TRAT1: variants seen among roughly 807,000 people sequenced by gnomAD.
TRAT1 encodes the protein T-cell receptor-associated transmembrane adapter 1.
TRAT1 carries 20 observed loss-of-function variants against 20.0 expected under a neutral mutation model. The ratio of observed to expected loss-of-function variants is 1.00; its 90% CI spans 0.70 to 1.45. TRAT1 has a LOEUF of 1.45. Ranked by LOEUF, TRAT1 falls within the 40% of genes most tolerant of loss-of-function variation. The pLI is 0.00. For missense variants in TRAT1, 237 were observed against 224.1 expected (o/e 1.06, Z -0.37); for synonymous variants, 77 against 74.2 (o/e 1.04, Z -0.20).
intron 3 of TRAT1, among the ~76,000 whole-genome samples, chr3:108,845,006 A>G (rs1374257532): frequency 6.6e-6 from 1 of 152,128 alleles, no homozygotes; most frequent in Non-Finnish European, 1.5e-5. Flanking sequence ...GTTCAGAACA[A>G]TGGAGAGTCT....
intron 1 of TRAT1, among the ~76,000 whole-genome samples, chr3:108,827,128 T>C (rs1466621406): frequency 6.6e-6 from 1 of 152,222 alleles, no homozygotes; most frequent in Non-Finnish European, 1.5e-5. Context: ...TTCGGCTTTT[T>C]AACAGTGTAA....
chr3:108,851,461 A>G (rs2107516748), intron 5 of TRAT1, among the ~76,000 whole-genome samples: 1 of 152,266 alleles, frequency 6.6e-6, no homozygotes, highest in Non-Finnish European at 1.5e-5. Context: ...CTATGTCAGA[A>G]GCATCCTCTC....
At chr3:108,845,238 T>C (rs1435465074) in intron 3 of TRAT1, among the ~76,000 whole-genome samples, 3 of 152,214 alleles carry the variant, frequency 2.0e-5, no homozygotes, top group Non-Finnish European at 4.4e-5. Context: ...TTATTTGAGA[T>C]GATTAATCAT....
At chr3:108,850,752 C>T (rs933703741) in intron 5 of TRAT1, among the ~76,000 whole-genome samples, 18 of 152,044 alleles carry the variant, frequency 1.2e-4, no homozygotes, top group Non-Finnish European at 1.5e-5. Flanking sequence ...TTGCTAAATC[C>T]ATGATAATAA....
intron 1 of TRAT1, among the ~76,000 whole-genome samples, chr3:108,823,277 A>G (rs1057190439): frequency 1.3e-5 from 2 of 152,228 alleles, no homozygotes; most frequent in African/African-American, 4.8e-5. Flanking sequence ...ATTAAACAGG[A>G]TAAGTGTAAT....
intron 3 of TRAT1, among the ~76,000 whole-genome samples, chr3:108,844,864 AAAAAAG>A (rs1450421435): frequency 9.3e-5 from 14 of 150,046 alleles, no homozygotes; most frequent in South Asian, 4.2e-4. Flanking sequence ...AAAAAAAAAA[AAAAAAG>A]AAATACGTGT....
At chr3:108,850,357 T>G (rs1945987576) in intron 5 of TRAT1, among the ~76,000 whole-genome samples, 1 of 151,006 alleles carries the variant, frequency 6.6e-6, no homozygotes, top group African/African-American at 2.4e-5. Context: ...CAGGCTGGAG[T>G]GCAATGGCAC....
At chr3:108,826,876 G>T (rs1945744380) in intron 1 of TRAT1, among the ~76,000 whole-genome samples, 1 of 152,128 alleles carries the variant, frequency 6.6e-6, no homozygotes, top group African/African-American at 2.4e-5. Context: ...TTAAGTAAAG[G>T]CTTCTGTGTA....
intron 2 of TRAT1, among the ~76,000 whole-genome samples, 176 bp downstream of exon 2, chr3:108,830,956 AAT>A (rs1945787133): frequency 6.6e-6 from 1 of 152,234 alleles, no homozygotes; most frequent in Non-Finnish European, 1.5e-5. Flanking sequence ...TTAAGAATGC[AAT>A]CATATTAGAA....
At chr3:108,837,283 T>C (rs557334526) in intron 2 of TRAT1, among the ~76,000 whole-genome samples, 1 of 152,340 alleles carries the variant, frequency 6.6e-6, no homozygotes, top group Admixed American at 6.5e-5. Flanking sequence ...ATATTCCAAA[T>C]GGAATACATT....
At chr3:108,826,462 C>T (rs1945740586) in intron 1 of TRAT1, among the ~76,000 whole-genome samples, 1 of 152,090 alleles carries the variant, frequency 6.6e-6, no homozygotes, top group Non-Finnish European at 1.5e-5. Context: ...TGCGAGCCCC[C>T]TCCTGTGCTA....
chr3:108,833,373 G>A (rs1375635966), intron 2 of TRAT1, among the ~76,000 whole-genome samples: 1 of 152,070 alleles, frequency 6.6e-6, no homozygotes, highest in East Asian at 1.9e-4. Context: ...AGCTGAAATA[G>A]CGCCACTGCA....
At chr3:108,834,626 GC>G (rs931401806) in intron 2 of TRAT1, among the ~76,000 whole-genome samples, 1 of 152,206 alleles carries the variant, frequency 6.6e-6, no homozygotes, top group Non-Finnish European at 1.5e-5. Context: ...TGAATGAAAT[GC>G]CCCTGTATCT....
intron 3 of TRAT1, among the ~76,000 whole-genome samples, chr3:108,845,527 A>C (rs1392818966): frequency 1.3e-5 from 2 of 152,208 alleles, no homozygotes; most frequent in African/African-American, 4.8e-5. Flanking sequence ...GTTACAGATG[A>C]GTTCCTTTGT....
chr3:108,839,241 G>A, intron 3 of TRAT1: 1 of 453,614 alleles, frequency 2.2e-6, no homozygotes, highest in Non-Finnish European at 3.9e-6. Context: ...TAATTTCAGA[G>A]GTAGATAGCC....
chr3:108,827,834 C>T (rs1313192551), intron 1 of TRAT1, among the ~76,000 whole-genome samples: 1 of 151,982 alleles, frequency 6.6e-6, no homozygotes, highest in Non-Finnish European at 1.5e-5. Context: ...ACAGTGTGAC[C>T]CAAATTCTTG....
chr3:108,845,028 A>C (rs1388176834), intron 3 of TRAT1, among the ~76,000 whole-genome samples: 1 of 152,096 alleles, frequency 6.6e-6, no homozygotes, highest in East Asian at 1.9e-4. Flanking sequence ...GTCTGGCTGA[A>C]AACTCAGAGG....
intron 3 of TRAT1, among the ~76,000 whole-genome samples, chr3:108,842,201 T>G (rs1473370549): frequency 6.6e-6 from 1 of 152,290 alleles, no homozygotes; most frequent in East Asian, 1.9e-4. Context: ...CCAGCAGATT[T>G]TCATGAACTG....
chr3:108,844,002 T>G (rs1447707), intron 3 of TRAT1, among the ~76,000 whole-genome samples: 151,101 of 152,290 alleles, frequency 0.99, 74,970 homozygotes, highest in East Asian at 1. Context: ...CACTTACGGA[T>G]CCCAAGCTTA....
Sources: allele counts gnomAD v4.1 joint callset (sites outside exome capture counted in the v4.1 genomes callset), GRCh38; gene constraint gnomAD v4.1.1; transcripts MANE v1.5; gene names NCBI Gene and HGNC (gene_info 2026-07-23, HGNC 2026-07-21).